Variants in ADAMTSL1 observed in about 807,000 individuals in gnomAD.
ADAMTSL1 encodes the protein ADAMTS-like protein 1.
A neutral mutation model predicts 201.8 loss-of-function variants in ADAMTSL1; 126 were observed. The ratio of observed to expected loss-of-function variants is 0.62; its 90% CI spans 0.54 to 0.72. The LOEUF (loss-of-function observed/expected upper bound fraction) is 0.72. Ranked by LOEUF, ADAMTSL1 falls within the 30% of genes least tolerant of loss-of-function variation. ADAMTSL1 has a pLI of 0.00. For missense variants in ADAMTSL1, 2,679 were observed against 2,277.8 expected (o/e 1.18, Z -3.59); for synonymous variants, 1,121 against 903.4 (o/e 1.24, Z -4.32).
chr9:17,967,260 T>C (rs1818011007), intron 1 of ADAMTSL1, among the ~76,000 whole-genome samples: 1 of 152,122 alleles, frequency 6.6e-6, no homozygotes, highest in Non-Finnish European at 1.5e-5. Flanking sequence ...TCCTGCTACT[T>C]TCTGGAAAAT....
At chr9:17,912,866 G>A (rs577411457) in intron 1 of ADAMTSL1, among the ~76,000 whole-genome samples, 2 of 151,310 alleles carry the variant, frequency 1.3e-5, no homozygotes, top group African/African-American at 4.8e-5. Context: ...TTTCGTATAA[G>A]GTGTAAGGAA....
At chr9:18,393,368 ATTAAAGGGGAAGGTAATGACTCAC>A (rs1367423530) in intron 2 of ADAMTSL1, among the ~76,000 whole-genome samples, 2 of 152,050 alleles carry the variant, frequency 1.3e-5, no homozygotes, top group Non-Finnish European at 2.9e-5. Flanking sequence ...CCTGGTAGGG[ATTAAAGGGGAAGGTAATGACTCAC>A]CATCCCAGTT....
chr9:18,069,313 T>C (rs1051863261), intron 1 of ADAMTSL1, among the ~76,000 whole-genome samples: 2 of 152,242 alleles, frequency 1.3e-5, no homozygotes, highest in Admixed American at 1.3e-4. Context: ...AGTTTACTTT[T>C]TTCTAATGCA....
chr9:18,788,208 T>G (rs1207769805), intron 19 of ADAMTSL1, among the ~76,000 whole-genome samples: 3 of 152,194 alleles, frequency 2.0e-5, no homozygotes, highest in Non-Finnish European at 4.4e-5. Context: ...AAATTCTCCC[T>G]TGCAAGCCTC....
intron 2 of ADAMTSL1, among the ~76,000 whole-genome samples, chr9:18,183,203 G>A (rs1828578902): frequency 6.6e-6 from 1 of 152,166 alleles, no homozygotes; most frequent in South Asian, 2.1e-4. Context: ...TCTGGGCATA[G>A]ACCTTACACC....
intron 1 of ADAMTSL1, among the ~76,000 whole-genome samples, chr9:17,960,955 T>A (rs1179669859): frequency 6.6e-6 from 1 of 152,332 alleles, no homozygotes; most frequent in African/African-American, 2.4e-5. Context: ...TAGAATCTTT[T>A]GCTAAGATTA....
chr9:18,469,509 C>T (rs777403579), upstream of ADAMTSL1, among the ~76,000 whole-genome samples: 6 of 152,224 alleles, frequency 3.9e-5, no homozygotes, highest in Non-Finnish European at 7.3e-5. Flanking sequence ...CCAACTTGAG[C>T]TCTCTGAAGA....
At chr9:17,908,556 A>C (rs1254536914) in intron 1 of ADAMTSL1, among the ~76,000 whole-genome samples, 1 of 151,966 alleles carries the variant, frequency 6.6e-6, no homozygotes, top group African/African-American at 2.4e-5. Context: ...TCCTGGGTTC[A>C]AGCGATTCTC....
chr9:17,926,703 A>C (rs34423194), intron 1 of ADAMTSL1, among the ~76,000 whole-genome samples: 15,968 of 152,194 alleles, frequency 0.1, 905 homozygotes, highest in South Asian at 0.2. Flanking sequence ...TGTTATCATG[A>C]ATCCAGAATA....
chr9:18,863,384 C>G (rs1827324176), intron 23 of ADAMTSL1, among the ~76,000 whole-genome samples: 1 of 152,216 alleles, frequency 6.6e-6, no homozygotes. Context: ...AAACCCAAAG[C>G]TTACGCTAGG....
chr9:18,769,705 A>C (rs1563783383), intron 16 of ADAMTSL1, among the ~76,000 whole-genome samples: 1 of 152,206 alleles, frequency 6.6e-6, no homozygotes, highest in Non-Finnish European at 1.5e-5. Flanking sequence ...CTTTTTGGGC[A>C]CTTCCCTGAA....
chr9:18,359,834 C>CA (rs1563911507), intron 2 of ADAMTSL1, among the ~76,000 whole-genome samples: 1 of 116,920 alleles, frequency 8.6e-6, no homozygotes, highest in African/African-American at 3.2e-5. Flanking sequence ...CCCGCCCCCC[C>CA]GCCCACACAA....
intron 2 of ADAMTSL1, among the ~76,000 whole-genome samples, chr9:18,235,582 C>G (rs2132426480): frequency 6.6e-6 from 1 of 152,308 alleles, no homozygotes. Flanking sequence ...GCCAACCAGA[C>G]ATTGGGCTAA....
intron 2 of ADAMTSL1, among the ~76,000 whole-genome samples, chr9:18,200,000 T>C (rs1481698843): frequency 1.3e-5 from 2 of 152,096 alleles, no homozygotes; most frequent in Non-Finnish European, 2.9e-5. Flanking sequence ...AATGAAATGA[T>C]CTGATGGCTC....
chr9:17,940,164 G>A (rs75031176), intron 1 of ADAMTSL1, among the ~76,000 whole-genome samples: 1,670 of 152,194 alleles, frequency 0.011, 28 homozygotes, highest in African/African-American at 0.039. Context: ...GTTTCTGGAG[G>A]TTGTTTAATG....
At chr9:18,900,322 G>A (rs1253742661) in intron 26 of ADAMTSL1, among the ~76,000 whole-genome samples, 1 of 152,224 alleles carries the variant, frequency 6.6e-6, no homozygotes, top group Non-Finnish European at 1.5e-5. Context: ...CTTTCACACT[G>A]TTGGTGAGAA....
chr9:18,704,651 A>G lies in ADAMTSL1; in HGVS notation c.1575-2096A>G, dbSNP rs539912395. 5.3e-5 allele frequency among the ~76,000 whole-genome samples: 8 copies of G among 152,282 alleles called. No individual in the cohort carries two copies. The South Asian group carries it at 1.5e-3, about 28-fold the overall frequency. On this transcript the variant is annotated intron_variant, in intron 13 of 28. Coordinates refer to ENST00000380548, the MANE Select transcript of ADAMTSL1 (RefSeq NM_001040272.6). ...ACAGGAGCCAGGTAGGTGGATGTGG[A>G]TGTGTAATAAAAGGGTTAAAATGAT...
chr9:17,947,345 A>ACACACACACC (rs1554668687), intron 1 of ADAMTSL1, among the ~76,000 whole-genome samples: 2 of 147,022 alleles, frequency 1.4e-5, no homozygotes, highest in African/African-American at 5.1e-5. Context: ...ACACACACAC[A>ACACACACACC]CCCCACTATG....
intron 2 of ADAMTSL1, among the ~76,000 whole-genome samples, chr9:18,225,441 TGTGA>T (rs1830405205): frequency 6.6e-6 from 1 of 152,218 alleles, no homozygotes; most frequent in Non-Finnish European, 1.5e-5. Flanking sequence ...ATTTTAATAA[TGTGA>T]GTAAGGATTT....
Sources: gnomAD v4.1 joint callset for allele counts (sites outside exome capture counted in the v4.1 genomes callset) on GRCh38, gnomAD v4.1.1 for gene constraint, MANE v1.5 for transcripts, NCBI Gene and HGNC (gene_info 2026-07-23, HGNC 2026-07-21) for gene names.